ORMDL1: variants seen among roughly 807,000 people sequenced by gnomAD.
ORMDL1 encodes ORM1-like protein 1.
A neutral mutation model predicts 13.0 loss-of-function variants in ORMDL1; 10 were observed. The observed-to-expected ratio is 0.77, with a 90% CI of 0.47 to 1.30. ORMDL1 has a LOEUF of 1.30. ORMDL1 is among the 50% of genes most tolerant of loss of function. The pLI is 0.00. For missense variants in ORMDL1, 171 were observed against 186.7 expected (o/e 0.92, Z 0.49); for synonymous variants, 61 against 63.9 (o/e 0.95, Z 0.22).
downstream of ORMDL1, among the ~76,000 whole-genome samples, chr2:189,769,415 G>A (rs980560305): frequency 6.6e-6 from 1 of 151,602 alleles, no homozygotes; most frequent in South Asian, 2.1e-4. Flanking sequence ...AGTTAAGGCA[G>A]GGGGTTGAAT....
At chr2:189,767,675 C>T (rs554567275), downstream of ORMDL1, among the ~76,000 whole-genome samples, 14 of 152,274 alleles carry the variant, frequency 9.2e-5, no homozygotes, top group African/African-American at 2.4e-4. Context: ...TCTGAGTGAA[C>T]GGACACTGTG....
intron 3 of ORMDL1, among the ~76,000 whole-genome samples, chr2:189,779,396 A>G (rs968315681): frequency 6.6e-6 from 1 of 152,210 alleles, no homozygotes; most frequent in Non-Finnish European, 1.5e-5. Flanking sequence ...GGGAGGAGCT[A>G]TGATCACGCC....
At chr2:189,773,593 A>G (rs2047627202) in intron 4 of ORMDL1, among the ~76,000 whole-genome samples, 1 of 151,950 alleles carries the variant, frequency 6.6e-6, no homozygotes, top group Non-Finnish European at 1.5e-5. Flanking sequence ...ACGGTGGTGC[A>G]CGCCTGTAGT....
At position 189,775,951 on chromosome 2, in the gene ORMDL1, G is replaced by A. The variant is rs183655153; in HGVS notation, c.175-235C>T. On this transcript the variant is annotated intron_variant, in intron 3 of 4. Coordinates refer to ENST00000392349, the MANE Select transcript of ORMDL1 (RefSeq NM_016467.5). ...GTAAAAGGTCAACTGAAAGTAACCT[G>A]TTTGCATTTCTATTCGTTAAACTAA... 6.4e-3 allele frequency among the ~76,000 whole-genome samples: 971 copies of A among 152,212 alleles called. 12 individuals carry two copies. The highest frequency in any genetic ancestry group is 0.033 in the South Asian group (157 of 4,824).
intron 3 of ORMDL1, among the ~76,000 whole-genome samples, chr2:189,778,703 C>T (rs1049099289): frequency 2.6e-5 from 4 of 151,654 alleles, no homozygotes; most frequent in East Asian, 2.0e-4. Flanking sequence ...AAGTCCAGCC[C>T]GGCCAACATG....
intron 4 of ORMDL1, among the ~76,000 whole-genome samples, chr2:189,772,904 AT>A (rs1393842195): frequency 1.3e-5 from 2 of 152,194 alleles, no homozygotes; most frequent in African/African-American, 4.8e-5. Context: ...AGATTGAGAA[AT>A]TCTACAATCT....
At chr2:189,779,765 G>GA (rs2047781979) in intron 3 of ORMDL1, among the ~76,000 whole-genome samples, 1 of 152,150 alleles carries the variant, frequency 6.6e-6, no homozygotes, top group Admixed American at 6.5e-5. Context: ...TTTACTTGAG[G>GA]AAAAAATGAG....
intron 3 of ORMDL1, among the ~76,000 whole-genome samples, chr2:189,776,384 C>T (rs940546235): frequency 2.6e-5 from 4 of 151,984 alleles, no homozygotes; most frequent in Non-Finnish European, 5.9e-5. Context: ...GATCATATGT[C>T]TAAACATATA....
At chr2:189,775,465 A>C in intron 4 of ORMDL1, 100 bp downstream of exon 4, 2 of 1,290,534 alleles carry the variant, frequency 1.5e-6, no homozygotes, top group Non-Finnish European at 2.1e-6. Flanking sequence ...TATTGATAGA[A>C]GTTTGCAACA....
chr2:189,765,507 TGA>T (rs2047466999), downstream of ORMDL1: 1 of 152,196 alleles, frequency 6.6e-6, no homozygotes, highest in Admixed American at 6.5e-5. Flanking sequence ...TCTGGAGTAC[TGA>T]GTTACCCACC....
At position 189,775,694 on chromosome 2, in the gene ORMDL1, G is replaced by C; in HGVS notation, c.197C>G (p.Ala66Gly). ...AGTTTCGAAAGGTGTTCCTTTCACT[G>C]CATGCAAAAATACGTACATCCCCTG... ...HNLGMYVFLH[A>G]VKGTPFETPD... Residue 66 changes from alanine (A) to glycine (G), a missense_variant, in exon 4 of 5, where the codon GCA (alanine) becomes GGA (glycine). Transcript: ENST00000392349. 6.2e-7 allele frequency: 1 copy of C among 1,613,122 alleles called. No individual in the cohort carries two copies. Among genetic ancestry groups the C allele is most frequent in the South Asian group, 1.1e-5 (1 of 90,894 alleles).
downstream of ORMDL1, among the ~76,000 whole-genome samples, chr2:189,766,016 G>A (rs1408871294): frequency 2.6e-5 from 4 of 151,126 alleles, no homozygotes; most frequent in South Asian, 2.1e-4. Context: ...TAGTAGAGAC[G>A]GGGTTTCACC....
intron 4 of ORMDL1, chr2:189,775,337 G>A: frequency 2.4e-6 from 1 of 418,410 alleles, no homozygotes; most frequent in Non-Finnish European, 4.2e-6. Context: ...AAATGTCTAG[G>A]TGCACTGATT....
intron 3 of ORMDL1, among the ~76,000 whole-genome samples, chr2:189,777,198 A>G (rs1490037235): frequency 6.6e-6 from 1 of 152,204 alleles, no homozygotes; most frequent in Non-Finnish European, 1.5e-5. Context: ...TTTTCCCATT[A>G]GCCTGAATAC....
chr2:189,766,132 TCTC>T (rs1175154136), downstream of ORMDL1, among the ~76,000 whole-genome samples: 1 of 152,126 alleles, frequency 6.6e-6, no homozygotes, highest in Non-Finnish European at 1.5e-5. Context: ...GCCCATCCTT[TCTC>T]CTCTTAAATT....
downstream of ORMDL1, among the ~76,000 whole-genome samples, chr2:189,768,521 T>C (rs2047519073): frequency 6.6e-6 from 1 of 152,184 alleles, no homozygotes; most frequent in African/African-American, 2.4e-5. Flanking sequence ...TAAACTAAAA[T>C]CTAACAAGAT....
rs1296698949 is a variant in ORMDL1 at position 189,771,230 on chromosome 2, CAA to C, written c.*535_*536del. The C allele has an allele frequency of 6.6e-6, 1 of 151,956 alleles. No individual in the cohort carries two copies. Among genetic ancestry groups the C allele is most frequent in the East Asian group, 1.9e-4 (1 of 5,194 alleles). 9.4% of individuals were successfully genotyped at this position (151,956 alleles called of 1,614,324 possible). A position where few individuals can be genotyped will look rare whatever the true frequency, so the allele number is the denominator to read the frequency against. On this transcript the variant is annotated 3_prime_UTR_variant, in exon 5 of 5. Coordinates refer to ENST00000392349, the MANE Select transcript of ORMDL1 (RefSeq NM_016467.5). ...ATACACAATATTAAGCCAGCAAAAC[CAA>C]AAAAGTACCCTCATAAGTGGGAACT...
chr2:189,767,139 A>G (rs2047495704), downstream of ORMDL1, among the ~76,000 whole-genome samples: 1 of 152,174 alleles, frequency 6.6e-6, no homozygotes, highest in South Asian at 2.1e-4. Flanking sequence ...GAATTGCTGG[A>G]TATAATTTTA....
chr2:189,778,725 T>A (rs561349144), intron 3 of ORMDL1, among the ~76,000 whole-genome samples: 1 of 152,016 alleles, frequency 6.6e-6, no homozygotes, highest in Non-Finnish European at 1.5e-5. Flanking sequence ...TGAAACCCCA[T>A]CTGTACTAAA....
Sources: allele counts gnomAD v4.1 joint callset (sites outside exome capture counted in the v4.1 genomes callset), GRCh38; gene constraint gnomAD v4.1.1; transcripts MANE v1.5; gene names NCBI Gene and HGNC (gene_info 2026-07-23, HGNC 2026-07-21).